Variants in PARP9 observed in about 807,000 individuals in gnomAD.
PARP9 encodes the protein poly(ADP-ribose) polymerase family member 9.
In PARP9, 48 loss-of-function variants were observed where a neutral mutation model predicts 68.8. That is an observed-to-expected ratio of 0.70 (90% CI 0.55 to 0.89). The LOEUF is 0.89. PARP9 is among the 40% of genes least tolerant of loss of function. The probability of loss-of-function intolerance (pLI) is 0.00; values close to 1 mark genes in which losing one functional copy is unlikely to be tolerated. For missense variants in PARP9, 806 were observed against 969.3 expected (o/e 0.83, Z 2.24); for synonymous variants, 309 against 333.8 (o/e 0.93, Z 0.81).
chr3:122,539,491 T>C (rs954275048), intron 8 of PARP9, among the ~76,000 whole-genome samples: 8 of 149,346 alleles, frequency 5.4e-5, no homozygotes, highest in Non-Finnish European at 8.9e-5. Flanking sequence ...TCTCTATCTC[T>C]ATCTCCCAAG....
At chr3:122,536,041 G>A (rs769385618) in intron 10 of PARP9, 127 bp downstream of exon 10, 33 of 1,558,908 alleles carry the variant, frequency 2.1e-5, no homozygotes, top group Non-Finnish European at 2.9e-5. Context: ...CATCATTTGT[G>A]ACCTCTAAAT....
In PARP9 at chr3:122,552,435, C is replaced by G; in HGVS notation, c.1090G>C (p.Glu364Gln). The G allele has an allele frequency of 6.2e-7, 1 of 1,607,670 alleles. No individual in the cohort carries two copies. The highest frequency in any genetic ancestry group is 8.5e-7 in the Non-Finnish European group (1 of 1,175,144). ...AAACTTACCTGAGGTTTAGGAAATT[C>G]TGAATGCCACAGTACATGGTATATA... ...KYIYHVLWHSEFPKPQILKHA... is the reference protein window; with the variant it reads ...KYIYHVLWHSQFPKPQILKHA... The change falls in exon 5 of 11, where the codon GAA (glutamate) becomes CAA (glutamine). Residue 364 changes from glutamate to glutamine, a missense_variant. Around this residue, in one of 2 missense-constraint regions of PARP9, gnomAD observed 680 missense variants for 858.8 expected, o/e 0.79. Coordinates refer to ENST00000682323, the MANE Select transcript of PARP9 (RefSeq NM_001146105.2).
At chr3:122,543,379 G>C (rs1298846901) in intron 7 of PARP9, among the ~76,000 whole-genome samples, 1 of 151,846 alleles carries the variant, frequency 6.6e-6, no homozygotes, top group Non-Finnish European at 1.5e-5. Flanking sequence ...CCACGTTTAA[G>C]CGATTCTCCT....
intron 4 of PARP9, among the ~76,000 whole-genome samples, chr3:122,554,033 C>T (rs2079431561): frequency 6.6e-6 from 1 of 152,178 alleles, no homozygotes; most frequent in Non-Finnish European, 1.5e-5. Context: ...TGCCCAGTGA[C>T]CCCCAGCTAA....
chr3:122,532,011 A>G, intron 10 of PARP9: 1 of 429,224 alleles, frequency 2.3e-6, no homozygotes, highest in Non-Finnish European at 3.1e-6. Flanking sequence ...GGGCAGAACA[A>G]TGGAAATCTC....
intron 9 of PARP9, 68 bp downstream of exon 9, chr3:122,536,866 T>C (rs916713883): frequency 8.5e-6 from 13 of 1,534,890 alleles, no homozygotes; most frequent in Non-Finnish European, 1.1e-5. Flanking sequence ...GGTGAGCTTT[T>C]CCTTTGGCTA....
At position 122,555,431 on chromosome 3, in the gene PARP9, T is replaced by G. The variant is rs1270246734; in HGVS notation, c.740A>C (p.Asp247Ala). The change falls in exon 4 of 11, where the codon GAC becomes GCC. Residue 247 changes from aspartate (D) to alanine (A), a missense_variant. By Grantham distance (126) the Asp-to-Ala change is moderately radical. Transcript: ENST00000682323. ...LKEIHLVSNE[D>A]PTVAAFKAAS... is the part of the protein sequence containing the mutation. ...AGCTTTAAAGGCAGCAACAGTAGGGTCCTCATTGCTCACCAGGTGAATTTC... is the reference window on the plus strand; with the variant it reads ...AGCTTTAAAGGCAGCAACAGTAGGGGCCTCATTGCTCACCAGGTGAATTTC... 1.2e-6 allele frequency: 2 copies of G among 1,613,946 alleles called. No individual in the cohort carries two copies. Among genetic ancestry groups the G allele is most frequent in the African/African-American group, 1.3e-5 (1 of 74,870 alleles).
chr3:122,540,205 C>A (rs2078087279), intron 8 of PARP9, among the ~76,000 whole-genome samples: 1 of 152,114 alleles, frequency 6.6e-6, no homozygotes, highest in African/African-American at 2.4e-5. Flanking sequence ...TTTACCACTG[C>A]CAAAATTCCA....
chr3:122,533,936 A>C (rs1378986584), intron 10 of PARP9: 1 of 985,370 alleles, frequency 1.0e-6, no homozygotes. Flanking sequence ...AAATAACAAC[A>C]GCTTCAGTGG....
intron 7 of PARP9, among the ~76,000 whole-genome samples, chr3:122,545,207 T>C (rs912813279): frequency 6.6e-6 from 1 of 152,188 alleles, no homozygotes; most frequent in Non-Finnish European, 1.5e-5. Context: ...ACATCTTGGA[T>C]TATCCACTGC....
intron 10 of PARP9, chr3:122,531,804 T>G (rs2077326744): frequency 6.6e-6 from 1 of 152,176 alleles, no homozygotes; most frequent in East Asian, 1.9e-4. Flanking sequence ...TTATTTTGTT[T>G]ACCATAAATG....
At chr3:122,559,889 G>A (rs1025056324) in intron 1 of PARP9, among the ~76,000 whole-genome samples, 180 bp from the exon 2 acceptor site, 2 of 152,188 alleles carry the variant, frequency 1.3e-5, no homozygotes, top group African/African-American at 2.4e-5. Flanking sequence ...CCCTTTCCAA[G>A]AGAGGTTCCA....
At chr3:122,545,309 A>C in intron 7 of PARP9, 123 bp downstream of exon 7, 2 of 946,500 alleles carry the variant, frequency 2.1e-6, no homozygotes, top group Non-Finnish European at 3.4e-6. Flanking sequence ...TCCAAGCAGG[A>C]CCACAATGCA....
At chr3:122,532,062 C>A (rs988938370) in intron 10 of PARP9, 1 of 796,384 alleles carries the variant, frequency 1.3e-6, no homozygotes. Flanking sequence ...GCAGACAGGA[C>A]CCTGGCCTGA....
chr3:122,534,899 G>T (rs1212586778), intron 10 of PARP9: 24 of 960,402 alleles, frequency 2.5e-5, no homozygotes, highest in Non-Finnish European at 3.0e-5. Context: ...AATAAATAAA[G>T]AGAGAACTGC....
Position 122,555,605 on chromosome 3 carries a change from A to G in PARP9, c.566T>C (p.Val189Ala). ...CTTAATGTGAGTATTTTTATAGATG[A>G]CATAATTCAGAATACTTACAATGGC... The part of the protein sequence containing the change: ...QRAIVSILNY[V>A]IYKNTHIKTV... Residue 189 changes from valine (V) to alanine (A), a missense_variant, in exon 4 of 11, where the codon GTC (valine) becomes GCC (alanine). By Grantham distance (64) the Val-to-Ala change is moderately conservative. This residue lies in a region of PARP9 where 680 missense variants were observed against 858.8 expected (regional missense o/e 0.79). Transcript: ENST00000682323. 1 of 1,614,144 alleles carries G rather than the reference A, an allele frequency of 6.2e-7. No individual in the cohort carries two copies. Among genetic ancestry groups the G allele is most frequent in the Non-Finnish European group, 8.5e-7 (1 of 1,180,010 alleles).
At chr3:122,558,235 T>C in intron 3 of PARP9, 199 bp downstream of exon 3, 1 of 1,397,132 alleles carries the variant, frequency 7.2e-7, no homozygotes, top group Non-Finnish European at 9.8e-7. Context: ...AGGAGAGGAA[T>C]GGTGTAGGCC....
In PARP9 at chr3:122,532,133, G is replaced by A. The variant is rs1423153059; in HGVS notation, c.2081-3390C>T. On this transcript the variant is annotated intron_variant, in intron 10 of 10. Coordinates refer to ENST00000682323, the MANE Select transcript of PARP9 (RefSeq NM_001146105.2). ...CCTGAGTGGAGAGTGGCAATGGCTG[G>A]AGAAGTCTCTGGAGCAGGTGAGGAC... 4 of 985,154 alleles carry A rather than the reference G, an allele frequency of 4.1e-6. No homozygotes were observed. In the East Asian group the frequency reaches 4.5e-4, roughly 112 times the overall value. 61.0% of individuals were successfully genotyped at this position (985,154 alleles called of 1,614,324 possible). A position where few individuals can be genotyped will look rare whatever the true frequency, so the allele number is the denominator to read the frequency against.
At chr3:122,550,875 C>A in intron 5 of PARP9, 73 bp from the exon 6 acceptor site, 2 of 1,332,504 alleles carry the variant, frequency 1.5e-6, no homozygotes, top group South Asian at 2.5e-5. Context: ...TGATCCTGCC[C>A]ATATTTTACA....
Sources: allele counts gnomAD v4.1 joint callset (sites outside exome capture counted in the v4.1 genomes callset), GRCh38; gene constraint gnomAD v4.1.1; regional missense constraint gnomAD v4.1.1; transcripts MANE v1.5; gene names NCBI Gene and HGNC (gene_info 2026-07-23, HGNC 2026-07-21).